DMC1: variants seen among roughly 807,000 people sequenced by gnomAD.
DMC1 encodes the protein DNA meiotic recombinase 1.
DMC1 carries 27 observed loss-of-function variants against 50.1 expected under a neutral mutation model. The observed-to-expected ratio is 0.54, with a 90% CI of 0.40 to 0.74. The LOEUF (loss-of-function observed/expected upper bound fraction) is 0.74. Ranked by LOEUF, DMC1 falls within the 30% of genes least tolerant of loss-of-function variation. DMC1 has a pLI of 0.00. For synonymous variants in DMC1, 148 were observed against 136.1 expected (o/e 1.09, Z -0.61); for missense variants, 295 against 420.2 (o/e 0.70, Z 2.60).
At chr22:38,567,284 A>G (rs2090589673) in intron 3 of DMC1, among the ~76,000 whole-genome samples, 1 of 152,318 alleles carries the variant, frequency 6.6e-6, no homozygotes, top group South Asian at 2.1e-4. Flanking sequence ...AAATCCACCC[A>G]GGTCATTATT....
At chr22:38,515,492 G>GA (rs946023996), downstream of DMC1, among the ~76,000 whole-genome samples, 2 of 126,710 alleles carry the variant, frequency 1.6e-5, no homozygotes, top group African/African-American at 5.8e-5. Flanking sequence ...AAAAAAAAAA[G>GA]AAAGAAAAAA....
chr22:38,549,584 A>C (rs2090381081), intron 8 of DMC1: 1 of 218,788 alleles, frequency 4.6e-6, no homozygotes, highest in African/African-American at 2.4e-5. Flanking sequence ...AGATTGCCCC[A>C]CTGGACTCCA....
chr22:38,564,851 T>A (rs867122618), intron 4 of DMC1, among the ~76,000 whole-genome samples: 1 of 152,170 alleles, frequency 6.6e-6, no homozygotes, highest in African/African-American at 2.4e-5. Flanking sequence ...GTGGGTACAC[T>A]GCCTGAGTGT....
At chr22:38,512,705 G>A in the DMC1 span, among the ~76,000 whole-genome samples, 1 of 152,156 alleles carries the variant, frequency 6.6e-6, no homozygotes, top group Non-Finnish European at 1.5e-5. Context: ...CACTTGAGAG[G>A]CACTCTGTTG....
intron 12 of DMC1, among the ~76,000 whole-genome samples, chr22:38,526,669 A>G (rs1429174185): frequency 1.3e-5 from 2 of 150,876 alleles, no homozygotes; most frequent in Non-Finnish European, 2.9e-5. Flanking sequence ...ATGGGTATTA[A>G]TAATAATAAT....
intron 7 of DMC1, among the ~76,000 whole-genome samples, chr22:38,551,421 C>G (rs539880278): frequency 6.6e-6 from 1 of 151,782 alleles, no homozygotes; most frequent in Non-Finnish European, 1.5e-5. Flanking sequence ...CTCTGCCTCC[C>G]GGGTTCAAGT....
rs2090625107 is a variant in DMC1 at position 38,570,169 on chromosome 22, A to C, written c.-160T>G. ...GAGCCTGGAGACCCGCGCGCCGTTG[A>C]CCACAGGGTTTGGCGCCAAACGAGG... On this transcript the variant is annotated 5_prime_UTR_variant, in exon 1 of 14. Transcript: ENST00000216024. 6.6e-6 allele frequency: 1 copy of C among 151,502 alleles called. No homozygotes were observed. The highest frequency in any genetic ancestry group is 6.6e-5 in the Admixed American group (1 of 15,222). 9.4% of individuals were successfully genotyped at this position (151,502 alleles called of 1,614,324 possible).
At chr22:38,544,460 T>TC (rs1025240343) in intron 8 of DMC1, among the ~76,000 whole-genome samples, 5 of 152,154 alleles carry the variant, frequency 3.3e-5, no homozygotes, top group African/African-American at 1.2e-4. Flanking sequence ...CTTCAGGTTG[T>TC]CCCGCCTTTC....
intron 12 of DMC1, among the ~76,000 whole-genome samples, chr22:38,528,246 G>T (rs2090116289): frequency 6.6e-6 from 1 of 150,972 alleles, no homozygotes; most frequent in East Asian, 2.0e-4. Flanking sequence ...GTACTTTTAG[G>T]AGATACAGAG....
chr22:38,568,531 CTTA>C (rs1326207497), intron 1 of DMC1: 2 of 507,760 alleles, frequency 3.9e-6, no homozygotes, highest in Non-Finnish European at 7.1e-6. Flanking sequence ...TTGGGGGGTG[CTTA>C]TTTAGTTTCT....
At chr22:38,521,062 C>T (rs559517160) in intron 13 of DMC1, among the ~76,000 whole-genome samples, 56 of 151,934 alleles carry the variant, frequency 3.7e-4, no homozygotes, top group African/African-American at 1.3e-3. Context: ...TAATTAAACA[C>T]GTAAAGTGCT....
At position 38,520,091 on chromosome 22, in the gene DMC1, T is replaced by C. The variant is rs2090007796; in HGVS notation, c.954-2A>G. 1 of 1,611,490 alleles carries C rather than the reference T, an allele frequency of 6.2e-7. No homozygotes were observed. The highest frequency in any genetic ancestry group is 8.5e-7 in the Non-Finnish European group (1 of 1,177,954). ...GCTTCATTTTCAGGCATCTCAGGAC[T>C]AACAGAATACAAGGGAACAGAAGTT... is the stretch of plus-strand genomic sequence containing the variant. On this transcript the variant is annotated splice_acceptor_variant, in intron 13 of 13. Transcript: ENST00000216024. LOFTEE classifies it high-confidence loss of function.
At chr22:38,526,459 CAGCCTCCCAA>C (rs1731980502) in intron 12 of DMC1, among the ~76,000 whole-genome samples, 1 of 152,012 alleles carries the variant, frequency 6.6e-6, no homozygotes, top group Non-Finnish European at 1.5e-5. Context: ...CTGCCCACCT[CAGCCTCCCAA>C]AGTGCTGGGA....
chr22:38,550,124 G>A lies in DMC1; in HGVS notation c.422-127C>T, dbSNP rs73157144. Reference sequence around the variant, plus strand: ...TTTTGCAAAGAGTCATGATCCTTTCGTTTCTAAACAACATGTTATATTTTC... The same window carrying A: ...TTTTGCAAAGAGTCATGATCCTTTCATTTCTAAACAACATGTTATATTTTC... On this transcript the variant is annotated intron_variant, in intron 7 of 13. Transcript: ENST00000216024. 4.2e-3 allele frequency: 2,856 copies of A among 675,078 alleles called. 12 individuals carry two copies. Among genetic ancestry groups the A allele is most frequent in the Non-Finnish European group, 6.0e-3 (2,276 of 379,050 alleles). The allele number at this position is 675,078 out of a possible 1,614,324, so 41.8% of individuals were successfully genotyped here. A position where few individuals can be genotyped will look rare whatever the true frequency, so the allele number is the denominator to read the frequency against.
intron 8 of DMC1, among the ~76,000 whole-genome samples, chr22:38,542,419 T>C (rs529690886): frequency 6.6e-6 from 1 of 152,068 alleles, no homozygotes; most frequent in African/African-American, 2.4e-5. Context: ...GGGAACAATC[T>C]GAAAAAGAAA....
At chr22:38,528,340 A>G (rs1447564617) in intron 12 of DMC1, among the ~76,000 whole-genome samples, 3 of 151,938 alleles carry the variant, frequency 2.0e-5, no homozygotes, top group African/African-American at 7.3e-5. Flanking sequence ...TTGGGATTAC[A>G]GGTGTGAGCC....
At chr22:38,509,633 T>C in the DMC1 span, among the ~76,000 whole-genome samples, 1 of 152,056 alleles carries the variant, frequency 6.6e-6, no homozygotes, top group Admixed American at 6.6e-5. Flanking sequence ...GGAATTTCTT[T>C]GTGGGCAAAT....
At chr22:38,520,334 G>A (rs1179894033) in intron 13 of DMC1, among the ~76,000 whole-genome samples, 2 of 151,952 alleles carry the variant, frequency 1.3e-5, no homozygotes, top group South Asian at 2.1e-4. Context: ...GGAAACAGGT[G>A]AAAGGATAAC....
At chr22:38,525,799 G>A (rs1281888786) in intron 12 of DMC1, among the ~76,000 whole-genome samples, 2 of 151,992 alleles carry the variant, frequency 1.3e-5, no homozygotes, top group African/African-American at 4.8e-5. Flanking sequence ...AATTATCTGG[G>A]CATGGCGGTG....
Sources: allele counts gnomAD v4.1 joint callset (sites outside exome capture counted in the v4.1 genomes callset), GRCh38; gene constraint gnomAD v4.1.1; transcripts MANE v1.5; gene names NCBI Gene and HGNC (gene_info 2026-07-23, HGNC 2026-07-21).